The following ARRDC2 variants were observed in gnomAD, a reference collection of about 807,000 sequenced individuals.
ARRDC2 encodes the protein arrestin domain-containing protein 2.
A neutral mutation model predicts 38.9 loss-of-function variants in ARRDC2; 39 were observed. That is an observed-to-expected ratio of 1.00 (90% CI 0.78 to 1.31). ARRDC2 has a LOEUF of 1.31. Ranked by LOEUF, ARRDC2 falls within the 50% of genes most tolerant of loss-of-function variation. The pLI is 0.00. For synonymous variants in ARRDC2, 300 were observed against 261.9 expected, an observed-to-expected ratio of 1.15 and a Z score of -1.41; for missense variants, 553 against 588.4, an observed-to-expected ratio of 0.94 and a Z score of 0.62.
At chr19:18,008,021 A>C, upstream of ARRDC2, 1 of 757,760 alleles carries the variant, frequency 1.3e-6, no homozygotes, top group Non-Finnish European at 1.9e-6. Flanking sequence ...GGCGGTGAGC[A>C]GGGGCGTTTG....
rs773705476 is a variant in ARRDC2 at position 18,010,717 on chromosome 19, C to G, written c.1158C>G (p.Pro386=). ...AAGAGTTCCGCTACCGCCCGCCACC[C>G]CTGTACTCTGAGGTGAGCTCAGGGG... is the stretch of plus-strand genomic sequence containing the variant. ...YIQEFRYRPP[P]LYSEEDPNPL... is the part of the protein sequence containing the mutation. The change falls in exon 7 of 8, where the codon CCC becomes CCG. Residue 386 remains proline (P), a synonymous_variant. Coordinates refer to ENST00000222250, the MANE Select transcript of ARRDC2 (RefSeq NM_015683.2). The G allele has an allele frequency of 6.2e-7, 1 of 1,613,826 alleles. No individual in the cohort carries two copies. Among genetic ancestry groups the G allele is most frequent in the Non-Finnish European group, 8.5e-7 (1 of 1,180,036 alleles).
chr19:18,009,724 G>A (rs756178261), intron 4 of ARRDC2, 30 bp downstream of exon 4: 107 of 1,612,528 alleles, frequency 6.6e-5, no homozygotes, highest in South Asian at 4.2e-4. Context: ...GGGTTGGGAC[G>A]GGGGCTGGTG....
At chr19:18,005,384 C>T (rs998260374), upstream of ARRDC2, among the ~76,000 whole-genome samples, 3 of 152,136 alleles carry the variant, frequency 2.0e-5, no homozygotes, top group African/African-American at 7.2e-5. Flanking sequence ...TCTCCCATGT[C>T]TACCTCTTTC....
upstream of ARRDC2, chr19:18,008,129 C>CCCCCCCCCCCCCAAAAAAA: frequency 9.3e-7 from 1 of 1,074,286 alleles, no homozygotes; most frequent in Non-Finnish European, 1.2e-6. Context: ...CCACCCCCCC[C>CCCCCCCCCCCCCAAAAAAA]CGCCCTGCCG....
rs1336418744 is a variant in ARRDC2 at position 18,013,292 on chromosome 19, A to G, written c.*326A>G. The G allele has an allele frequency of 1.0e-5, 3 of 288,348 alleles. No individual in the cohort carries two copies. Among genetic ancestry groups the G allele is most frequent in the Non-Finnish European group, 1.9e-5 (3 of 154,064 alleles). The allele number at this position is 288,348 out of a possible 1,614,324, so 17.9% of individuals were successfully genotyped here. On this transcript the variant is annotated 3_prime_UTR_variant, in exon 8 of 8. Coordinates refer to ENST00000222250, the MANE Select transcript of ARRDC2 (RefSeq NM_015683.2). ...CAGTCTGGGAGAAACAGAGCCAGAC[A>G]TAGACAGTTCCAGCATCACAGAACC...
Position 18,009,577 on chromosome 19 carries a change from C to T in ARRDC2, c.490-15C>T, listed in dbSNP as rs1365463301. On this transcript the variant is annotated splice_polypyrimidine_tract_variant and intron_variant, in intron 3 of 7. Coordinates refer to ENST00000222250, the MANE Select transcript of ARRDC2 (RefSeq NM_015683.2). Reference sequence around the variant, plus strand: ...CAAAGTGACTCATCCATGTCACTTTCCTCTACACCGACAGGCACCTCAAGC... The same window carrying T: ...CAAAGTGACTCATCCATGTCACTTTTCTCTACACCGACAGGCACCTCAAGC... 2.5e-6 allele frequency: 4 copies of T among 1,585,606 alleles called. No homozygotes were observed. The highest frequency in any genetic ancestry group is 2.7e-5 in the African/African-American group (2 of 74,214).
At chr19:18,001,366 G>A in exon 1 of ARRDC2, 1 of 1,200,376 alleles carries the variant, frequency 8.3e-7, no homozygotes, top group Non-Finnish European at 1.0e-6. Context: ...GCGGGGCCCG[G>A]GCGGCGCCTA....
exon 1 of ARRDC2, chr19:18,001,437 G>T (rs1036906415): frequency 6.4e-6 from 8 of 1,242,090 alleles, no homozygotes; most frequent in Non-Finnish European, 8.1e-6. Context: ...CGCTGCGGGT[G>T]CGAGCGCTCG....
Position 18,008,463 on chromosome 19 carries a change from G to T in ARRDC2, c.153G>T (p.Ala51=). The change falls in exon 1 of 8, where the codon GCG becomes GCT. Residue 51 remains alanine, a synonymous_variant. Coordinates refer to ENST00000222250, the MANE Select transcript of ARRDC2 (RefSeq NM_015683.2). ...AARVGALRLR[A]RGRAHVHWTE... ...GTGTGGGTGCCCTGAGGCTGCGCGC[G>T]CGGGGCCGCGCCCACGTGCACTGGA... 1 of 1,531,314 alleles carries T rather than the reference G, an allele frequency of 6.5e-7. No individual in the cohort carries two copies. Among genetic ancestry groups the T allele is most frequent in the Non-Finnish European group, 8.7e-7 (1 of 1,146,220 alleles). The allele number at this position is 1,531,314 out of a possible 1,614,324, so 94.9% of individuals were successfully genotyped here.
Position 18,003,031 on chromosome 19 carries a change from C to T in ARRDC2, c.259+1458C>T, listed in dbSNP as rs537314355. On this transcript the variant is annotated intron_variant, in intron 1 of 7. Transcript: ENST00000379656. ...GGCAGAATTGCTTGAACCCGGCAGGCGGAGATTGCAGTGAGCTGAGATGGC... is the reference window on the plus strand; with the variant it reads ...GGCAGAATTGCTTGAACCCGGCAGGTGGAGATTGCAGTGAGCTGAGATGGC... Among the ~76,000 whole-genome samples, 240 of 152,018 alleles carry T rather than the reference C, an allele frequency of 1.6e-3. 1 individual carries two copies. Among genetic ancestry groups the T allele is most frequent in the African/African-American group, 5.6e-3 (234 of 41,420 alleles).
rs763390213 is a variant in ARRDC2 at position 18,009,709 on chromosome 19, G to A, written c.592+15G>A. The A allele has an allele frequency of 1.2e-4, 200 of 1,612,010 alleles. No homozygotes were observed. Among genetic ancestry groups the A allele is most frequent in the Middle Eastern group, 3.3e-4 (2 of 6,064 alleles). On this transcript the variant is annotated intron_variant, in intron 4 of 7. Transcript: ENST00000222250. ...CTACACCCCAGGTAGCAGGCGGACC[G>A]GACTGGGTTGGGACGGGGGCTGGTG...
chr19:18,001,577 A>G (rs767498570), intron 1 of ARRDC2: 1 of 1,324,132 alleles, frequency 7.6e-7, no homozygotes, highest in Non-Finnish European at 9.7e-7. Flanking sequence ...CTCCGAGGTG[A>G]GACACTCGTC....
upstream of ARRDC2, among the ~76,000 whole-genome samples, chr19:18,003,333 C>G (rs2033213657): frequency 6.6e-6 from 1 of 152,130 alleles, no homozygotes. Context: ...GTGGCACGAT[C>G]TCGGCTCACT....
chr19:18,010,358 G>A lies in ARRDC2; in HGVS notation c.1012G>A (p.Ala338Thr). 1 of 1,607,808 alleles carries A rather than the reference G, an allele frequency of 6.2e-7. No individual in the cohort carries two copies. The highest frequency in any genetic ancestry group is 8.5e-7 in the Non-Finnish European group (1 of 1,179,476). The change falls in exon 6 of 8, where the codon GCT becomes ACT. Residue 338 changes from alanine to threonine, a missense_variant and splice_region_variant. Physicochemically the swap from Ala to Thr is moderately conservative, Grantham distance 58. Transcript: ENST00000222250. The stretch of plus-strand genomic sequence containing the variant: ...GGGGGCCTTGCCGGAGCGGCCTGAG[G>A]GTAAGCTCCCACCCTGCTTGCATGC... The part of the protein sequence containing the change: ...RLGALPERPE[A>T]PPEYSEVVAD...
chr19:18,013,033 T>C lies in ARRDC2; in HGVS notation c.*67T>C. The C allele has an allele frequency of 5.1e-6, 8 of 1,557,582 alleles. No individual in the cohort carries two copies. In the Middle Eastern group the frequency reaches 1.3e-3, roughly 262 times the overall value. On this transcript the variant is annotated 3_prime_UTR_variant, in exon 8 of 8. Transcript: ENST00000222250. ...TTTCAGCCACCATGACTGTGGGGAG[T>C]GGCTGGACCAAGGGCTGACCTCCCC...
chr19:18,008,597 G>GC lies in ARRDC2; in HGVS notation c.274+13_274+14insC. The GC allele has an allele frequency of 1.3e-6, 2 of 1,592,480 alleles. No homozygotes were observed. Among genetic ancestry groups the GC allele is most frequent in the Non-Finnish European group, 1.7e-6 (2 of 1,176,286 alleles). On this transcript the variant is annotated intron_variant, in intron 1 of 7. Transcript: ENST00000222250. The stretch of plus-strand genomic sequence containing the variant: ...CTCCTGGCGCCAGGTACGGATGGAG[G>GC]ACCCCTGCTCCAACACCAGTTGTGT...
At chr19:18,010,465 A>G in intron 6 of ARRDC2, 107 bp downstream of exon 6, 1 of 1,558,116 alleles carries the variant, frequency 6.4e-7, no homozygotes, top group Non-Finnish European at 8.7e-7. Context: ...ACCAAAGGAC[A>G]TACAGCCTGG....
intron 6 of ARRDC2, 100 bp from the exon 7 acceptor site, chr19:18,010,472 C>T (rs1471259707): frequency 4.5e-6 from 7 of 1,556,080 alleles, no homozygotes; most frequent in Middle Eastern, 2.1e-4. Flanking sequence ...GACATACAGC[C>T]TGGCAGCCCC....
At chr19:18,011,944 A>AT in intron 7 of ARRDC2, among the ~76,000 whole-genome samples, 1 of 52,742 alleles carries the variant, frequency 1.9e-5, no homozygotes, top group African/African-American at 7.4e-5. Flanking sequence ...GTATATATAT[A>AT]TATATATATT....
Sources: allele counts gnomAD v4.1 joint callset (sites outside exome capture counted in the v4.1 genomes callset), GRCh38; gene constraint gnomAD v4.1.1; transcripts MANE v1.5; gene names NCBI Gene and HGNC (gene_info 2026-07-23, HGNC 2026-07-21).